Variants in PDCD11 observed in about 807,000 individuals in gnomAD.
The protein encoded by PDCD11 is protein RRP5 homolog.
In PDCD11, 97 loss-of-function variants were observed where a neutral mutation model predicts 198.9. The observed-to-expected ratio is 0.49, with a 90% CI of 0.41 to 0.58. The LOEUF (loss-of-function observed/expected upper bound fraction) is 0.58, where lower values mean the gene tolerates loss of function less well. Among genes scored for constraint, PDCD11 ranks in the 20% least tolerant of loss-of-function variants. The pLI is 0.00. For missense variants in PDCD11, 2,102 were observed against 2,312.7 expected (o/e 0.91, Z 1.87); for synonymous variants, 893 against 918.0 (o/e 0.97, Z 0.49).
chr10:103,428,761 G>A (rs1333429060), intron 21 of PDCD11, among the ~76,000 whole-genome samples: 1 of 152,216 alleles, frequency 6.6e-6, no homozygotes, highest in Non-Finnish European at 1.5e-5. Context: ...GGTGTTGGAA[G>A]ACTATGGTAT....
At chr10:103,438,107 A>G in intron 26 of PDCD11, 36 bp downstream of exon 26, 1 of 1,577,076 alleles carries the variant, frequency 6.3e-7, no homozygotes, top group Non-Finnish European at 8.7e-7. Context: ...GAAAGGAGGA[A>G]GACCCACTCA....
chr10:103,433,391 G>A (rs1256996160), intron 22 of PDCD11, among the ~76,000 whole-genome samples: 1 of 152,136 alleles, frequency 6.6e-6, no homozygotes, highest in African/African-American at 2.4e-5. Context: ...CAGCTACCCT[G>A]GAGGCTGAGG....
At chr10:103,426,329 G>T (rs935524937) in intron 20 of PDCD11, among the ~76,000 whole-genome samples, 1 of 152,146 alleles carries the variant, frequency 6.6e-6, no homozygotes, top group Non-Finnish European at 1.5e-5. Context: ...AGCAAAAAAA[G>T]AATTCAAAGT....
In PDCD11 at chr10:103,445,778, C is replaced by T. The variant is rs2032583954; in HGVS notation, c.*229C>T. 4.2e-6 allele frequency: 2 copies of T among 480,542 alleles called. No homozygotes were observed. The highest frequency in any genetic ancestry group is 5.3e-5 in the South Asian group (2 of 37,494). The allele number at this position is 480,542 out of a possible 1,614,324, so 29.8% of individuals were successfully genotyped here. A position where few individuals can be genotyped will look rare whatever the true frequency, so the allele number is the denominator to read the frequency against. On this transcript the variant is annotated 3_prime_UTR_variant, in exon 36 of 36. Coordinates refer to ENST00000369797, the MANE Select transcript of PDCD11 (RefSeq NM_014976.2). Reference sequence around the variant, plus strand: ...TTGTTATCTTTTTCCTTATCTGAGGCTACCTGGGGATTGTGGGCAGCAGGC... The same window carrying T: ...TTGTTATCTTTTTCCTTATCTGAGGTTACCTGGGGATTGTGGGCAGCAGGC...
Position 103,405,145 on chromosome 10 carries a change from A to T in PDCD11, c.526A>T (p.Asn176Tyr). ...GCTGTCTCTGAACCCCAAAAATGTC[A>T]ACAGAGTGCTGAGTGCTGAGGCCCT... The part of the protein sequence containing the change: ...VKLSLNPKNV[N>Y]RVLSAEALKP... Residue 176 changes from asparagine to tyrosine, a missense_variant, in exon 5 of 36, where the codon AAC becomes TAC. Transcript: ENST00000369797. 2 of 1,614,010 alleles carry T rather than the reference A, an allele frequency of 1.2e-6. No individual in the cohort carries two copies. The highest frequency in any genetic ancestry group is 8.5e-7 in the Non-Finnish European group (1 of 1,180,004).
At chr10:103,409,600 T>C (rs1221723649) in intron 7 of PDCD11, 99 bp from the exon 8 acceptor site, 2 of 772,698 alleles carry the variant, frequency 2.6e-6, no homozygotes, top group Non-Finnish European at 4.6e-6. Flanking sequence ...GATACACAGT[T>C]AGGGATACTA....
Position 103,400,427 on chromosome 10 carries a change from A to G in PDCD11, c.133A>G (p.Lys45Glu), listed in dbSNP as rs150893869. 16,432 of 1,613,720 alleles carry G rather than the reference A, an allele frequency of 0.01. 353 individuals are homozygous for G. The highest frequency in any genetic ancestry group is 0.07 in the South Asian group (6,391 of 90,984). The change falls in exon 3 of 36, where the codon AAA (lysine) becomes GAA (glutamate). Residue 45 changes from lysine (K) to glutamate (E), a missense_variant. Physicochemically the swap from Lys to Glu is moderately conservative, Grantham distance 56 (BLOSUM62 1). Transcript: ENST00000369797. ...TACTGAAGAGGGATCCACCAAAAGA[A>G]AAAAGAGCCAGAAGGGGCCAGCAAA... ...ISTEEGSTKRKKSQKGPAKTK... is the reference protein window; with the variant it reads ...ISTEEGSTKREKSQKGPAKTK...
At chr10:103,409,634 C>T in intron 7 of PDCD11, 65 bp from the exon 8 acceptor site, 2 of 1,046,896 alleles carry the variant, frequency 1.9e-6, no homozygotes, top group Non-Finnish European at 3.0e-6. Flanking sequence ...TTACTGTGAG[C>T]AATGTCTCAC....
chr10:103,427,412 A>G (rs1465264329), intron 21 of PDCD11, 21 bp downstream of exon 21: 2 of 1,597,768 alleles, frequency 1.3e-6, no homozygotes, highest in East Asian at 2.3e-5. Flanking sequence ...CATTAGCAGC[A>G]CTGTCTTACG....
chr10:103,440,635 A>G, intron 29 of PDCD11, 54 bp downstream of exon 29: 1 of 1,610,632 alleles, frequency 6.2e-7, no homozygotes, highest in Non-Finnish European at 8.5e-7. Flanking sequence ...AGGGACAGCC[A>G]TGAGGGCGTG....
chr10:103,438,888 G>A, intron 27 of PDCD11, 80 bp downstream of exon 27: 3 of 1,476,940 alleles, frequency 2.0e-6, no homozygotes, highest in Non-Finnish European at 2.8e-6. Flanking sequence ...GTGTTCCTCG[G>A]TCAACTTCTT....
chr10:103,436,030 C>CT (rs912238769), intron 25 of PDCD11, among the ~76,000 whole-genome samples: 1,383 of 137,354 alleles, frequency 0.01, 7 homozygotes, highest in Middle Eastern at 0.022. Context: ...TTGTTTTTTT[C>CT]TTTTTTTTTT....
At position 103,442,195 on chromosome 10, in the gene PDCD11, T is replaced by A; in HGVS notation, c.4708-18T>A. 1 of 1,612,762 alleles carries A rather than the reference T, an allele frequency of 6.2e-7. No individual in the cohort carries two copies. Among genetic ancestry groups the A allele is most frequent in the Non-Finnish European group, 8.5e-7 (1 of 1,179,258 alleles). On this transcript the variant is annotated intron_variant, in intron 31 of 35. Coordinates refer to ENST00000369797, the MANE Select transcript of PDCD11 (RefSeq NM_014976.2). Reference sequence around the variant, plus strand: ...TTGAGGAGCAGATGACTCACGGTGTTTCTGCTTTCCATAGCAGATAAAGAA... The same window carrying A: ...TTGAGGAGCAGATGACTCACGGTGTATCTGCTTTCCATAGCAGATAAAGAA...
intron 15 of PDCD11, among the ~76,000 whole-genome samples, chr10:103,419,294 T>TTGGGCCATGCAGATGGC (rs1158977300): frequency 2.0e-5 from 3 of 152,152 alleles, no homozygotes; most frequent in Admixed American, 2.0e-4. Flanking sequence ...TAGTGTGCAG[T>TTGGGCCATGCAGATGGC]TGGGCCATGC....
chr10:103,431,890 T>TA (rs1250564104), intron 21 of PDCD11, among the ~76,000 whole-genome samples: 1 of 152,246 alleles, frequency 6.6e-6, no homozygotes, highest in Non-Finnish European at 1.5e-5. Context: ...TTATAAAGCC[T>TA]ATTGTGGGCT....
chr10:103,427,365 C>G lies in PDCD11; in HGVS notation c.3342C>G (p.Thr1114=), dbSNP rs780432643. Residue 1114 remains threonine, a synonymous_variant, in exon 21 of 36, where the codon ACC becomes ACG. Transcript: ENST00000369797. ...TAAGTCACCCCAGATTCGTTCGAACCATCCCGGAGCTGAGTGTTCGGCCAA... is the reference window on the plus strand; with the variant it reads ...TAAGTCACCCCAGATTCGTTCGAACGATCCCGGAGCTGAGTGTTCGGCCAA... ...LPISHPRFVR[T]IPELSVRPSE... 10 of 1,612,550 alleles carry G rather than the reference C, an allele frequency of 6.2e-6. No individual in the cohort carries two copies. The South Asian group carries it at 1.1e-4, about 18-fold the overall frequency.
At chr10:103,406,246 T>A in intron 6 of PDCD11, 138 bp downstream of exon 6, 1 of 952,402 alleles carries the variant, frequency 1.0e-6, no homozygotes, top group Non-Finnish European at 1.6e-6. Flanking sequence ...CAGCACTTAA[T>A]CCTAGTTAAT....
At chr10:103,422,881 G>T in intron 17 of PDCD11, 107 bp from the exon 18 acceptor site, 1 of 1,066,590 alleles carries the variant, frequency 9.4e-7, no homozygotes, top group Non-Finnish European at 1.3e-6. Flanking sequence ...CTTGTCAGTG[G>T]TTCCAGTGCT....
Position 103,418,617 on chromosome 10 carries a change from C to T in PDCD11, c.2089C>T (p.Gln697Ter), listed in dbSNP as rs1266770416. 7.4e-6 allele frequency: 12 copies of T among 1,613,956 alleles called. No individual in the cohort carries two copies. In the South Asian group the frequency reaches 1.3e-4, roughly 18 times the overall value. Residue 697 changes from glutamine (Q) to a stop codon, truncating the protein, a stop_gained, in exon 15 of 36, where the codon CAG (glutamine) becomes TAG (stop). Coordinates refer to ENST00000369797, the MANE Select transcript of PDCD11 (RefSeq NM_014976.2). LOFTEE classifies it high-confidence loss of function. ...CCTTCACCGAGTCCTGTGTCTGAGC[C>T]AGAGCGAGGGGCGTGTTGTATCCTT... ...DILHRVLCLS[Q>*]SEGRVLLCRK...
Sources: gnomAD v4.1 joint callset for allele counts (sites outside exome capture counted in the v4.1 genomes callset) on GRCh38, gnomAD v4.1.1 for gene constraint, MANE v1.5 for transcripts, NCBI Gene and HGNC (gene_info 2026-07-23, HGNC 2026-07-21) for gene names.